RREB1: variants seen among roughly 807,000 people sequenced by gnomAD.
The protein encoded by RREB1 is ras-responsive element-binding protein 1.
Under a neutral mutation model 117.8 loss-of-function variants are expected in RREB1, and 27 were observed. The observed-to-expected ratio is 0.23, with a 90% CI of 0.17 to 0.32. The LOEUF (loss-of-function observed/expected upper bound fraction) is 0.32. Ranked by LOEUF, RREB1 falls within the 10% of genes least tolerant of loss-of-function variation. RREB1 has a pLI of 1.00. For missense variants in RREB1, 2,577 were observed against 2,378.2 expected (o/e 1.08, Z -1.74); for synonymous variants, 1,298 against 1,026.7 (o/e 1.26, Z -5.05).
chr6:7,179,835 G>A (rs940010895), intron 2 of RREB1, among the ~76,000 whole-genome samples: 4 of 150,870 alleles, frequency 2.7e-5, no homozygotes, highest in Non-Finnish European at 4.4e-5. Flanking sequence ...ATCTTTTGTA[G>A]AGATAGGGTC....
intron 1 of RREB1, among the ~76,000 whole-genome samples, chr6:7,126,805 C>A (rs929343591): frequency 6.6e-6 from 1 of 152,170 alleles, no homozygotes; most frequent in Non-Finnish European, 1.5e-5. Context: ...AGAACCGTTT[C>A]TTGACACTTG....
chr6:7,171,506 A>G (rs1405522917), intron 1 of RREB1, among the ~76,000 whole-genome samples: 2 of 152,202 alleles, frequency 1.3e-5, no homozygotes, highest in East Asian at 1.9e-4. Flanking sequence ...GAGTTCAGCA[A>G]CTGGATTTAT....
chr6:7,205,121 G>C (rs1306864182), intron 6 of RREB1, among the ~76,000 whole-genome samples: 1 of 152,230 alleles, frequency 6.6e-6, no homozygotes, highest in Non-Finnish European at 1.5e-5. Context: ...ACGGTGCAGA[G>C]AGCTGGAGAA....
chr6:7,114,972 A>G (rs1221777038), intron 1 of RREB1, among the ~76,000 whole-genome samples: 1 of 148,228 alleles, frequency 6.7e-6, no homozygotes, highest in East Asian at 1.9e-4. Flanking sequence ...TTCATGTTCT[A>G]AGTTATGTGG....
chr6:7,232,618 T>A (rs1768068663), intron 10 of RREB1, among the ~76,000 whole-genome samples: 2 of 152,152 alleles, frequency 1.3e-5, no homozygotes, highest in Non-Finnish European at 2.9e-5. Flanking sequence ...TCCTGAGCCC[T>A]TCTTCCTTAG....
At chr6:7,247,943 C>T (rs1040188005) in intron 12 of RREB1, among the ~76,000 whole-genome samples, 7 of 152,212 alleles carry the variant, frequency 4.6e-5, no homozygotes, top group African/African-American at 1.7e-4. Context: ...ACATGTGCCC[C>T]GACCCAGCGC....
chr6:7,196,501 G>A (rs2113576199), intron 6 of RREB1, among the ~76,000 whole-genome samples: 1 of 152,166 alleles, frequency 6.6e-6, no homozygotes, highest in African/African-American at 2.4e-5. Context: ...AAACTTCACA[G>A]AATGAAGGTA....
chr6:7,159,653 A>G lies in RREB1; in HGVS notation c.-284-17002A>G, dbSNP rs935867403. Among the ~76,000 whole-genome samples, 8 of 152,114 alleles carry G rather than the reference A, an allele frequency of 5.3e-5. No homozygotes were observed. In the East Asian group the frequency reaches 1.5e-3, roughly 29 times the overall value. On this transcript the variant is annotated intron_variant, in intron 1 of 12. Coordinates refer to ENST00000379938, the MANE Select transcript of RREB1 (RefSeq NM_001003699.4). Reference sequence around the variant, plus strand: ...TTACAAGAAAAGGGAAGGTTAGAGGATTTGGTGTTGCCAGTGTTTTTACTT... The same window carrying G: ...TTACAAGAAAAGGGAAGGTTAGAGGGTTTGGTGTTGCCAGTGTTTTTACTT...
Position 7,229,155 on chromosome 6 carries a change from C to T in RREB1, c.1056C>T (p.Pro352=). 2.5e-6 allele frequency: 4 copies of T among 1,610,526 alleles called. No homozygotes were observed. Among genetic ancestry groups the T allele is most frequent in the Non-Finnish European group, 3.4e-6 (4 of 1,177,276 alleles). ...GTCAAGAAAAGCCGCAGGCCACGCCCCTGCCTGGTGACGCCCTGGACCAGA... is the reference window on the plus strand; with the variant it reads ...GTCAAGAAAAGCCGCAGGCCACGCCTCTGCCTGGTGACGCCCTGGACCAGA... ...DQGQEKPQAT[P]LPGDALDQKG... is the part of the protein sequence containing the mutation. The change falls in exon 10 of 13, where the codon CCC becomes CCT. Residue 352 remains proline (P), a synonymous_variant. Coordinates refer to ENST00000379938, the MANE Select transcript of RREB1 (RefSeq NM_001003699.4). This position sits in a 1 kb window ranked among gnomAD's most constrained non-coding sequence, Gnocchi z 4.5.
At chr6:7,132,548 T>C (rs1762196901) in intron 1 of RREB1, among the ~76,000 whole-genome samples, 1 of 152,206 alleles carries the variant, frequency 6.6e-6, no homozygotes, top group Non-Finnish European at 1.5e-5. Context: ...AGGTGCTCAG[T>C]CAGTATTTGT....
At chr6:7,111,087 A>G (rs1431116982) in intron 1 of RREB1, among the ~76,000 whole-genome samples, 2 of 152,234 alleles carry the variant, frequency 1.3e-5, no homozygotes, top group Non-Finnish European at 2.9e-5. Flanking sequence ...TTTGTATCCA[A>G]CACAGGTACA....
intron 1 of RREB1, among the ~76,000 whole-genome samples, chr6:7,127,279 A>G (rs976442000): frequency 1.6e-4 from 24 of 152,072 alleles, no homozygotes; most frequent in Non-Finnish European, 3.1e-4. Flanking sequence ...CCCTTTAGAA[A>G]ATTTAAGTCG....
At position 7,181,147 on chromosome 6, in the gene RREB1, A is replaced by G. The variant is rs1764773856; in HGVS notation, c.-142A>G. On this transcript the variant is annotated 5_prime_UTR_variant, in exon 3 of 13. Transcript: ENST00000379938. Reference sequence around the variant, plus strand: ...AGTGTCAACGAGTACTACCAAGAGAAGAAGACAAGAGGTCAACACAGACTC... The same window carrying G: ...AGTGTCAACGAGTACTACCAAGAGAGGAAGACAAGAGGTCAACACAGACTC... 1 of 398,494 alleles carries G rather than the reference A, an allele frequency of 2.5e-6. No homozygotes were observed. The highest frequency in any genetic ancestry group is 4.4e-6 in the Non-Finnish European group (1 of 226,050). 24.7% of individuals were successfully genotyped at this position (398,494 alleles called of 1,614,324 possible). A position where few individuals can be genotyped will look rare whatever the true frequency, so the allele number is the denominator to read the frequency against.
intron 1 of RREB1, among the ~76,000 whole-genome samples, chr6:7,120,555 G>C (rs928547245): frequency 1.3e-5 from 2 of 152,180 alleles, no homozygotes; most frequent in African/African-American, 4.8e-5. Flanking sequence ...AAAACCAATG[G>C]CTGCCTCGTA....
At chr6:7,210,579 C>G (rs1766524621) in intron 6 of RREB1, among the ~76,000 whole-genome samples, 1 of 152,192 alleles carries the variant, frequency 6.6e-6, no homozygotes, top group Non-Finnish European at 1.5e-5. Flanking sequence ...TTCCAGTGAA[C>G]AGCAAGACAT....
In RREB1 at chr6:7,231,391, A is replaced by C; in HGVS notation, c.3292A>C (p.Thr1098Pro). ...DPGPASTGSN[T>P]TASDSLGGSV... ...AGGGCCCGCAAGCACTGGCAGTAAC[A>C]CCACGGCTTCAGACAGCTTAGGAGG... Residue 1098 changes from threonine (T) to proline (P), a missense_variant, in exon 10 of 13, where the codon ACC (threonine) becomes CCC (proline). Coordinates refer to ENST00000379938, the MANE Select transcript of RREB1 (RefSeq NM_001003699.4). The C allele has an allele frequency of 6.2e-7, 1 of 1,613,486 alleles. No homozygotes were observed. Among genetic ancestry groups the C allele is most frequent in the East Asian group, 2.2e-5 (1 of 44,862 alleles).
chr6:7,225,481 C>G (rs1767530134), intron 8 of RREB1, among the ~76,000 whole-genome samples: 1 of 152,166 alleles, frequency 6.6e-6, no homozygotes, highest in Non-Finnish European at 1.5e-5. Context: ...ATCCACCCAT[C>G]TGCACACTGA....
rs1257176311 is a variant in RREB1, at chr6:7,250,969, AT to A, written c.*2003del. On this transcript the variant is annotated 3_prime_UTR_variant, in exon 13 of 13. Transcript: ENST00000379938. ...AGTTCATACATCCCTTAGGGTTTTT[AT>A]TATTATTATTATTATTATTACAGTT... The A allele has an allele frequency of 6.6e-6, 1 of 151,126 alleles. No individual in the cohort carries two copies. Among genetic ancestry groups the A allele is most frequent in the African/African-American group, 2.4e-5 (1 of 41,118 alleles). The allele number at this position is 151,126 out of a possible 1,614,324, so 9.4% of individuals were successfully genotyped here. A position where few individuals can be genotyped will look rare whatever the true frequency, so the allele number is the denominator to read the frequency against.
intron 6 of RREB1, among the ~76,000 whole-genome samples, chr6:7,198,217 T>TA (rs775556468): frequency 3.9e-5 from 6 of 152,206 alleles, no homozygotes; most frequent in Non-Finnish European, 8.8e-5. Context: ...AGTCCCATCT[T>TA]AAAATTAATG....
Sources: allele counts gnomAD v4.1 joint callset (sites outside exome capture counted in the v4.1 genomes callset), GRCh38; gene constraint gnomAD v4.1.1; non-coding constraint Gnocchi (gnomAD v3.1); transcripts MANE v1.5; gene names NCBI Gene and HGNC (gene_info 2026-07-23, HGNC 2026-07-21).